Variants in KSR2 observed in about 807,000 individuals in gnomAD.
The protein encoded by KSR2 is kinase suppressor of ras 2.
In KSR2, 25 loss-of-function variants were observed where a neutral mutation model predicts 107.8. The observed-to-expected ratio is 0.23, with a 90% CI of 0.17 to 0.32. The LOEUF is 0.32. KSR2 is among the 10% of genes least tolerant of loss of function. The probability of loss-of-function intolerance (pLI) is 1.00; values close to 1 mark genes in which losing one functional copy is unlikely to be tolerated. For missense variants in KSR2, 887 were observed against 1,268.9 expected (o/e 0.70, Z 4.57); for synonymous variants, 480 against 507.0 (o/e 0.95, Z 0.71).
intron 4 of KSR2, among the ~76,000 whole-genome samples, chr12:117,699,753 G>A (rs956800921): frequency 1.3e-5 from 2 of 152,092 alleles, no homozygotes; most frequent in Non-Finnish European, 2.9e-5. Flanking sequence ...CACTACTGTA[G>A]GATTCATAAA....
intron 3 of KSR2, among the ~76,000 whole-genome samples, chr12:117,828,119 A>C (rs1239164949): frequency 6.6e-6 from 1 of 152,202 alleles, no homozygotes; most frequent in East Asian, 1.9e-4. Flanking sequence ...TTCCAGGGCC[A>C]TCACCAAACT....
intron 5 of KSR2, among the ~76,000 whole-genome samples, chr12:117,595,724 A>G (rs910785478): frequency 1.3e-5 from 2 of 152,198 alleles, no homozygotes; most frequent in African/African-American, 2.4e-5. Context: ...GGGTTAATAC[A>G]TCATAATTAA....
chr12:117,643,788 T>C (rs1883488994), intron 5 of KSR2, among the ~76,000 whole-genome samples: 1 of 152,164 alleles, frequency 6.6e-6, no homozygotes, highest in South Asian at 2.1e-4. Context: ...GAGATTCAAA[T>C]GCAGTGGATC....
intron 3 of KSR2, among the ~76,000 whole-genome samples, chr12:117,839,520 TGACA>T (rs1195549187): frequency 6.6e-6 from 1 of 152,246 alleles, no homozygotes; most frequent in East Asian, 1.9e-4. Context: ...GAACACCGCC[TGACA>T]CTCAGTATGT....
intron 5 of KSR2, among the ~76,000 whole-genome samples, chr12:117,624,337 C>G (rs1355446615): frequency 2.0e-5 from 3 of 152,164 alleles, no homozygotes; most frequent in Non-Finnish European, 4.4e-5. Context: ...AGGTTTTCTT[C>G]TAGGGTTTTT....
intron 4 of KSR2, among the ~76,000 whole-genome samples, chr12:117,700,802 C>T (rs964101502): frequency 1.3e-5 from 2 of 152,170 alleles, no homozygotes; most frequent in African/African-American, 4.8e-5. Context: ...TTCAGACGAC[C>T]GAAACATCCT....
chr12:117,670,030 A>T (rs989429640), intron 4 of KSR2, among the ~76,000 whole-genome samples: 4 of 152,080 alleles, frequency 2.6e-5, no homozygotes, highest in African/African-American at 7.2e-5. Context: ...CCAACAGATT[A>T]TTAGGAGGCG....
intron 5 of KSR2, among the ~76,000 whole-genome samples, chr12:117,655,612 G>A (rs1039394483): frequency 1.3e-5 from 2 of 152,158 alleles, no homozygotes; most frequent in African/African-American, 4.8e-5. Flanking sequence ...CTGATCCCAC[G>A]ACATTACGTT....
intron 3 of KSR2, among the ~76,000 whole-genome samples, chr12:117,774,285 T>C (rs947313939): frequency 6.6e-6 from 1 of 152,208 alleles, no homozygotes; most frequent in Non-Finnish European, 1.5e-5. Flanking sequence ...TTCGAGTTTG[T>C]CATCCTTGCA....
chr12:117,562,539 A>G (rs816183), intron 7 of KSR2, among the ~76,000 whole-genome samples: 107,326 of 151,916 alleles, frequency 0.71, 38,464 homozygotes, highest in African/African-American at 0.81. Context: ...CCAGCTGGAA[A>G]AGTGCCTTGC....
intron 4 of KSR2, among the ~76,000 whole-genome samples, chr12:117,697,578 G>T (rs1474823237): frequency 3.3e-5 from 5 of 151,852 alleles, no homozygotes; most frequent in Non-Finnish European, 5.9e-5. Context: ...CTATTCTACT[G>T]AAAATACAAG....
chr12:117,496,133 A>C (rs1264088596), intron 14 of KSR2, among the ~76,000 whole-genome samples: 1 of 150,960 alleles, frequency 6.6e-6, no homozygotes, highest in Non-Finnish European at 1.5e-5. Flanking sequence ...TCTGCCCATT[A>C]GGGGCTGTCC....
chr12:117,729,773 A>C (rs1887585302), intron 4 of KSR2, among the ~76,000 whole-genome samples: 1 of 152,162 alleles, frequency 6.6e-6, no homozygotes, highest in South Asian at 2.1e-4. Flanking sequence ...TGTTAAACTG[A>C]GAAATGAAAG....
intron 4 of KSR2, among the ~76,000 whole-genome samples, chr12:117,693,082 A>G (rs576596758): frequency 1.3e-4 from 20 of 152,306 alleles, no homozygotes; most frequent in African/African-American, 4.8e-4. Flanking sequence ...ATTTTTTAAA[A>G]GACTGTGTAA....
At chr12:117,630,643 G>T (rs1882760808) in intron 5 of KSR2, among the ~76,000 whole-genome samples, 1 of 152,134 alleles carries the variant, frequency 6.6e-6, no homozygotes, top group Non-Finnish European at 1.5e-5. Flanking sequence ...AGGAGACTGT[G>T]GGCGGTGGTG....
intron 4 of KSR2, among the ~76,000 whole-genome samples, chr12:117,758,218 T>A (rs1227993187): frequency 6.6e-6 from 1 of 152,234 alleles, no homozygotes; most frequent in Admixed American, 6.5e-5. Context: ...AGGTAAATGA[T>A]GACTGTTGTT....
intron 3 of KSR2, among the ~76,000 whole-genome samples, chr12:117,791,203 T>G (rs1890236521): frequency 1.3e-5 from 2 of 152,092 alleles, no homozygotes; most frequent in Admixed American, 1.3e-4. Flanking sequence ...GCCTTGTCAC[T>G]TGTTGCTTCC....
Position 117,921,056 on chromosome 12 carries a change from T to C in KSR2, c.180+47020A>G, listed in dbSNP as rs74953887. On this transcript the variant is annotated intron_variant, in intron 1 of 19. Transcript: ENST00000339824. The stretch of plus-strand genomic sequence containing the variant: ...TGGTTCAGAGACCCCAGCACCTGCA[T>C]AGTTATTTGAACCCAGGCTTTGCAA... 4.3e-3 allele frequency among the ~76,000 whole-genome samples: 654 copies of C among 152,316 alleles called. 30 individuals carry two copies. The East Asian group carries it at 0.1, about 24-fold the overall frequency.
intron 4 of KSR2, among the ~76,000 whole-genome samples, chr12:117,712,649 G>A (rs1410742539): frequency 3.9e-5 from 6 of 152,206 alleles, no homozygotes; most frequent in Non-Finnish European, 8.8e-5. Context: ...CACATGGTAA[G>A]GAATTCTACT....
Sources: gnomAD v4.1 joint callset for allele counts (sites outside exome capture counted in the v4.1 genomes callset) on GRCh38, gnomAD v4.1.1 for gene constraint, MANE v1.5 for transcripts, NCBI Gene and HGNC (gene_info 2026-07-23, HGNC 2026-07-21) for gene names.